The following MYT1L variants were observed in gnomAD, a reference collection of about 807,000 sequenced individuals.
MYT1L encodes the protein myelin transcription factor 1 like.
Under a neutral mutation model 126.7 loss-of-function variants are expected in MYT1L, and 12 were observed. The observed-to-expected ratio is 0.09, with a 90% CI of 0.06 to 0.15. The LOEUF (loss-of-function observed/expected upper bound fraction) is 0.15. MYT1L is among the 10% of genes least tolerant of loss of function. The pLI is 1.00. For synonymous variants in MYT1L, 541 were observed against 604.2 expected (o/e 0.90, Z 1.53); for missense variants, 979 against 1,585.2 (o/e 0.62, Z 6.49).
intron 2 of MYT1L, among the ~76,000 whole-genome samples, chr2:2,191,668 C>T (rs997825375): frequency 2.0e-5 from 3 of 152,168 alleles, no homozygotes; most frequent in African/African-American, 7.2e-5. Context: ...GTATTAAAGC[C>T]AGCTACGTGT....
At chr2:2,133,674 G>C (rs1322954894) in intron 3 of MYT1L, among the ~76,000 whole-genome samples, 2 of 152,046 alleles carry the variant, frequency 1.3e-5, no homozygotes, top group East Asian at 1.9e-4. Flanking sequence ...CAACACACTT[G>C]CTGCTTTCTG....
intron 3 of MYT1L, among the ~76,000 whole-genome samples, chr2:2,165,783 GTAAA>G (rs1269864774): frequency 1.3e-5 from 2 of 151,758 alleles, no homozygotes; most frequent in Non-Finnish European, 2.9e-5. Context: ...TATTGAAGAA[GTAAA>G]TAAGTAATAA....
At chr2:1,989,897 C>T (rs2061341566) in intron 5 of MYT1L, among the ~76,000 whole-genome samples, 1 of 152,140 alleles carries the variant, frequency 6.6e-6, no homozygotes, top group African/African-American at 2.4e-5. Flanking sequence ...ACTCTGGAGG[C>T]TGAGACAGGA....
intron 3 of MYT1L, among the ~76,000 whole-genome samples, chr2:2,062,981 G>A (rs1330209074): frequency 6.6e-6 from 1 of 152,054 alleles, no homozygotes; most frequent in Non-Finnish European, 1.5e-5. Context: ...ATCTCTTTCT[G>A]GAACTTACAC....
At chr2:2,283,545 C>A (rs1393261301) in intron 2 of MYT1L, among the ~76,000 whole-genome samples, 3 of 152,154 alleles carry the variant, frequency 2.0e-5, no homozygotes, top group South Asian at 4.1e-4. Context: ...TGGTTTATTT[C>A]TCAGTCTTGC....
intron 1 of MYT1L, among the ~76,000 whole-genome samples, chr2:2,330,178 T>C (rs1286140574): frequency 1.3e-5 from 2 of 152,208 alleles, no homozygotes; most frequent in African/African-American, 4.8e-5. Flanking sequence ...GTAGAAAATA[T>C]AAACATTTGA....
chr2:1,891,594 C>G (rs909742320), intron 15 of MYT1L, among the ~76,000 whole-genome samples: 1 of 152,190 alleles, frequency 6.6e-6, no homozygotes, highest in Non-Finnish European at 1.5e-5. Flanking sequence ...TACTTCCTTT[C>G]CCTGCTACCC....
At position 1,889,475 on chromosome 2, in the gene MYT1L, G is replaced by C; in HGVS notation, c.2286C>G (p.Asn762Lys). ...TKPQDLCATRNPDMEVDENGT... is the reference protein window; with the variant it reads ...TKPQDLCATRKPDMEVDENGT... ...CGTTCTCATCCACCTCCATGTCAGG[G>C]TTCTGTCGGTAGAAAGACATAGTGA... The change falls in exon 16 of 25, where the codon AAC (asparagine) becomes AAG (lysine). Residue 762 changes from asparagine (N) to lysine (K), a missense_variant and splice_region_variant. Transcript: ENST00000647738. This position sits in a 1 kb window ranked among gnomAD's most constrained non-coding sequence, Gnocchi z 4.1. 1 of 1,592,564 alleles carries C rather than the reference G, an allele frequency of 6.3e-7. No individual in the cohort carries two copies. The highest frequency in any genetic ancestry group is 8.6e-7 in the Non-Finnish European group (1 of 1,166,712).
chr2:1,866,153 G>C (rs2045434786), intron 18 of MYT1L, among the ~76,000 whole-genome samples: 1 of 152,200 alleles, frequency 6.6e-6, no homozygotes, highest in Non-Finnish European at 1.5e-5. Context: ...AGAAGTACAG[G>C]CCAGATGGAA....
intron 2 of MYT1L, among the ~76,000 whole-genome samples, chr2:2,195,685 T>G (rs1379969536): frequency 6.6e-6 from 1 of 152,134 alleles, no homozygotes; most frequent in Non-Finnish European, 1.5e-5. Context: ...GAAGTTAAAT[T>G]TCAAGAGATA....
chr2:2,309,454 A>G (rs558438828), intron 1 of MYT1L, among the ~76,000 whole-genome samples: 1 of 151,676 alleles, frequency 6.6e-6, no homozygotes, highest in South Asian at 2.1e-4. Flanking sequence ...TACTCTACAT[A>G]GACTCCACCT....
chr2:2,131,666 T>C (rs972594673), intron 3 of MYT1L, among the ~76,000 whole-genome samples: 1 of 152,104 alleles, frequency 6.6e-6, no homozygotes, highest in South Asian at 2.1e-4. Context: ...CATGACAAGC[T>C]GTCCCATGGA....
chr2:1,887,359 C>A lies in MYT1L; in HGVS notation c.2642+129G>T. On this transcript the variant is annotated intron_variant, in intron 17 of 24. Coordinates refer to ENST00000647738, the MANE Select transcript of MYT1L (RefSeq NM_001303052.2). This position sits in a 1 kb window ranked among gnomAD's most constrained non-coding sequence, Gnocchi z 4.8. ...CTGCTCACTCTACTGACCCAGCAGT[C>A]GGAAACATTTATATGCTGCGAATGT... is the stretch of plus-strand genomic sequence containing the variant. The A allele has an allele frequency of 8.0e-7, 1 of 1,252,692 alleles. No individual in the cohort carries two copies. Among genetic ancestry groups the A allele is most frequent in the East Asian group, 2.4e-5 (1 of 42,042 alleles). 77.6% of individuals were successfully genotyped at this position (1,252,692 alleles called of 1,614,324 possible).
At chr2:2,289,692 G>C (rs2149452315) in intron 1 of MYT1L, among the ~76,000 whole-genome samples, 1 of 152,334 alleles carries the variant, frequency 6.6e-6, no homozygotes, top group Non-Finnish European at 1.5e-5. Context: ...AATAAAAACA[G>C]GCTATGTGGA....
At chr2:2,236,492 C>T (rs1404013906) in intron 2 of MYT1L, among the ~76,000 whole-genome samples, 10 of 147,024 alleles carry the variant, frequency 6.8e-5, no homozygotes, top group Non-Finnish European at 1.5e-4. Flanking sequence ...CCCAGCACAT[C>T]CGAACCCAAC....
chr2:2,150,105 G>C (rs2085503726), intron 3 of MYT1L, among the ~76,000 whole-genome samples: 1 of 152,128 alleles, frequency 6.6e-6, no homozygotes, highest in South Asian at 2.1e-4. Flanking sequence ...GGTTGTCTTA[G>C]AGTCAGCCTC....
At chr2:2,107,158 A>C (rs976900924) in intron 3 of MYT1L, among the ~76,000 whole-genome samples, 2 of 152,242 alleles carry the variant, frequency 1.3e-5, no homozygotes, top group African/African-American at 4.8e-5. Context: ...AAAAGGAAGC[A>C]AATGATAACG....
intron 1 of MYT1L, among the ~76,000 whole-genome samples, chr2:2,297,928 T>C (rs535338022): frequency 7.2e-5 from 11 of 152,314 alleles, no homozygotes; most frequent in African/African-American, 2.6e-4. Flanking sequence ...CTTCATTCTC[T>C]GCGTCCACGC....
At chr2:1,802,067 G>A in intron 22 of MYT1L, 1 of 332,134 alleles carries the variant, frequency 3.0e-6, no homozygotes, top group East Asian at 6.8e-5. Flanking sequence ...CGAGCTCCCA[G>A]GGACAGTTAA....
Sources: gnomAD v4.1 joint callset for allele counts (sites outside exome capture counted in the v4.1 genomes callset) on GRCh38, gnomAD v4.1.1 for gene constraint, Gnocchi (gnomAD v3.1) non-coding constraint, MANE v1.5 for transcripts, NCBI Gene and HGNC (gene_info 2026-07-23, HGNC 2026-07-21) for gene names.